Variants in ARMH3 observed in about 807,000 individuals in gnomAD.
ARMH3 encodes armadillo-like helical domain-containing protein 3.
Under a neutral mutation model 99.1 loss-of-function variants are expected in ARMH3, and 60 were observed. The observed-to-expected ratio is 0.61, with a 90% CI of 0.49 to 0.75. ARMH3 has a LOEUF of 0.75. Among genes scored for constraint, ARMH3 ranks in the 30% least tolerant of loss-of-function variants. The pLI, the probability that ARMH3 is intolerant of heterozygous loss-of-function variation, is 0.00. For missense variants in ARMH3, 679 were observed against 843.1 expected (o/e 0.81, Z 2.41); for synonymous variants, 285 against 292.8 (o/e 0.97, Z 0.27).
Position 101,987,125 on chromosome 10 carries a change from C to G in ARMH3, c.1406+3426G>C, listed in dbSNP as rs76384578. ...TACAGTAATGAACATACAATCTTAT[C>G]ATATCAGCCCCACCTTCAACTGTTC... On this transcript the variant is annotated intron_variant, in intron 19 of 25. Coordinates refer to ENST00000370033, the MANE Select transcript of ARMH3 (RefSeq NM_024541.3). Among the ~76,000 whole-genome samples the G allele has an allele frequency of 2.8e-4, 43 of 152,262 alleles. No homozygotes were observed. In the East Asian group the frequency reaches 4.6e-3, roughly 16 times the overall value.
intron 14 of ARMH3, among the ~76,000 whole-genome samples, chr10:102,004,223 T>C (rs1367558423): frequency 1.3e-5 from 2 of 152,174 alleles, no homozygotes; most frequent in Non-Finnish European, 2.9e-5. Flanking sequence ...TACCTTTAAA[T>C]ATAAGTGGGC....
At chr10:101,880,306 G>A (rs1202722446) in intron 24 of ARMH3, among the ~76,000 whole-genome samples, 1 of 152,192 alleles carries the variant, frequency 6.6e-6, no homozygotes, top group African/African-American at 2.4e-5. Flanking sequence ...AAACACCACA[G>A]GAATTCTCAG....
At chr10:101,905,205 G>GA (rs2068074553) in intron 23 of ARMH3, among the ~76,000 whole-genome samples, 1 of 152,106 alleles carries the variant, frequency 6.6e-6, no homozygotes, top group Admixed American at 6.5e-5. Flanking sequence ...TGTAGCTTAA[G>GA]ACCTCAGGTC....
At chr10:101,935,198 T>TATATATATATATATAC (rs1491294491) in intron 23 of ARMH3, among the ~76,000 whole-genome samples, 1 of 141,222 alleles carries the variant, frequency 7.1e-6, no homozygotes, top group Middle Eastern at 3.6e-3. Flanking sequence ...TATATATATA[T>TATATATATATATATAC]ACATTTTTTG....
chr10:102,048,827 A>G (rs1371162740), intron 1 of ARMH3, among the ~76,000 whole-genome samples: 5 of 152,170 alleles, frequency 3.3e-5, no homozygotes, highest in African/African-American at 9.7e-5. Context: ...CTCTAGATAC[A>G]GGGTTTTTTA....
intron 24 of ARMH3, among the ~76,000 whole-genome samples, chr10:101,867,581 C>T (rs2067033466): frequency 6.6e-6 from 1 of 152,066 alleles, no homozygotes; most frequent in Admixed American, 6.6e-5. Context: ...ACCTGTAATC[C>T]CTGCACTTTG....
At position 101,889,483 on chromosome 10, in the gene ARMH3, T is replaced by A. The variant is rs750207474; in HGVS notation, c.1789A>T (p.Ile597Phe). The change falls in exon 24 of 26, where the codon ATC becomes TTC. Residue 597 changes from isoleucine to phenylalanine, a missense_variant. Coordinates refer to ENST00000370033, the MANE Select transcript of ARMH3 (RefSeq NM_024541.3). ...TCAATTTTGGGGTTAAAGTGGTTGA[T>A]GATGGCTCTGAAACAAAGAATTCGT... ...THALVNIRAI[I>F]NHFNPKIESY... 6.2e-7 allele frequency: 1 copy of A among 1,612,360 alleles called. No individual in the cohort carries two copies. The highest frequency in any genetic ancestry group is 8.5e-7 in the Non-Finnish European group (1 of 1,178,482).
At chr10:102,028,460 C>T (rs2067050755) in intron 5 of ARMH3, among the ~76,000 whole-genome samples, 1 of 152,116 alleles carries the variant, frequency 6.6e-6, no homozygotes, top group Non-Finnish European at 1.5e-5. Context: ...AGCATTATTC[C>T]TAATAGCCAA....
chr10:101,919,727 C>T (rs1437956967), intron 23 of ARMH3, among the ~76,000 whole-genome samples: 1 of 152,218 alleles, frequency 6.6e-6, no homozygotes, highest in Non-Finnish European at 1.5e-5. Context: ...TGTCTCTGCT[C>T]ACTATTTAAG....
At chr10:101,950,336 G>C (rs1310124537) in intron 22 of ARMH3, among the ~76,000 whole-genome samples, 1 of 152,176 alleles carries the variant, frequency 6.6e-6, no homozygotes, top group Non-Finnish European at 1.5e-5. Context: ...TTTCTTGCTT[G>C]TGTAAAATGG....
chr10:101,849,353 T>C (rs2066532967), intron 25 of ARMH3, among the ~76,000 whole-genome samples: 1 of 152,138 alleles, frequency 6.6e-6, no homozygotes, highest in South Asian at 2.1e-4. Context: ...GCTAAGTGAT[T>C]GGAAAGCAGG....
intron 1 of ARMH3, among the ~76,000 whole-genome samples, chr10:102,049,821 T>C (rs968107154): frequency 2.6e-5 from 4 of 151,982 alleles, no homozygotes; most frequent in Non-Finnish European, 4.4e-5. Flanking sequence ...CCCCCCAAAG[T>C]GCTAGAATTA....
intron 23 of ARMH3, among the ~76,000 whole-genome samples, chr10:101,896,091 T>A (rs1002591004): frequency 1.3e-5 from 2 of 150,696 alleles, no homozygotes; most frequent in African/African-American, 4.9e-5. Flanking sequence ...ATTAGCCGGG[T>A]ATGGTGGCGT....
chr10:101,997,644 G>GAC (rs935979817), intron 15 of ARMH3, among the ~76,000 whole-genome samples: 4 of 152,002 alleles, frequency 2.6e-5, no homozygotes, highest in African/African-American at 9.7e-5. Flanking sequence ...ATTGGGGAGG[G>GAC]ACACACAGGT....
intron 5 of ARMH3, among the ~76,000 whole-genome samples, chr10:102,026,165 T>C (rs926229129): frequency 2.0e-4 from 30 of 152,048 alleles, no homozygotes; most frequent in Non-Finnish European, 1.0e-4. Context: ...AACCCTTGTA[T>C]ACTACAATAA....
intron 22 of ARMH3, chr10:101,952,533 G>A (rs1182444801): frequency 6.6e-6 from 1 of 151,772 alleles, no homozygotes; most frequent in African/African-American, 2.4e-5. Context: ...TGTTGTTACT[G>A]TGGTAAAAAA....
In ARMH3 at chr10:101,992,022, T is replaced by C; in HGVS notation, c.1292A>G (p.Lys431Arg). ...NLHRMPMRHR[K>R]KAADKNLPCR... is the part of the protein sequence containing the mutation. ...GGGAAGATTCTTGTCTGCTGCCTTC[T>C]TCCTGTGTCTCATAGGCTTCACACC... Residue 431 changes from lysine (K) to arginine (R), a missense_variant, in exon 18 of 26, where the codon AAG becomes AGG. By Grantham distance (26) the Lys-to-Arg change is conservative. Coordinates refer to ENST00000370033, the MANE Select transcript of ARMH3 (RefSeq NM_024541.3). The C allele has an allele frequency of 6.2e-7, 1 of 1,614,182 alleles. No individual in the cohort carries two copies. Among genetic ancestry groups the C allele is most frequent in the Non-Finnish European group, 8.5e-7 (1 of 1,179,998 alleles).
chr10:102,049,548 AAAAG>A (rs1350850735), intron 1 of ARMH3, among the ~76,000 whole-genome samples: 2 of 151,804 alleles, frequency 1.3e-5, no homozygotes, highest in Non-Finnish European at 2.9e-5. Context: ...TTTCCAAAAA[AAAAG>A]AAAGAAAGAA....
At chr10:101,867,992 G>T (rs199873307) in intron 24 of ARMH3, among the ~76,000 whole-genome samples, 2 of 147,510 alleles carry the variant, frequency 1.4e-5, no homozygotes, top group Non-Finnish European at 3.0e-5. Flanking sequence ...AAAAAAAAAA[G>T]AATTGGAAAA....
Sources: gnomAD v4.1 joint callset for allele counts (sites outside exome capture counted in the v4.1 genomes callset) on GRCh38, gnomAD v4.1.1 for gene constraint, MANE v1.5 for transcripts, NCBI Gene and HGNC (gene_info 2026-07-23, HGNC 2026-07-21) for gene names.